OPCML: variants seen among roughly 807,000 people sequenced by gnomAD.
OPCML encodes the protein opioid binding protein/cell adhesion molecule like, also known as opioid-binding protein/cell adhesion molecule.
In OPCML, 13 loss-of-function variants were observed where a neutral mutation model predicts 37.8. That is an observed-to-expected ratio of 0.34 (90% CI 0.22 to 0.55). OPCML has a LOEUF of 0.55. Among genes scored for constraint, OPCML ranks in the 20% least tolerant of loss-of-function variants. The probability of loss-of-function intolerance (pLI) is 0.91; values close to 1 mark genes in which losing one functional copy is unlikely to be tolerated. For synonymous variants in OPCML, 176 were observed against 168.8 expected, an observed-to-expected ratio of 1.04 and a Z score of -0.33; for missense variants, 341 against 435.6, an observed-to-expected ratio of 0.78 and a Z score of 1.93.
chr11:133,518,947 G>A lies in OPCML; in HGVS notation c.61+13317C>T, dbSNP rs776044449. ...TATGTCAGGCCAGGAGCAGCCCACA[G>A]AGGTGCTTGCCCTGTGGGTGACAGT... On this transcript the variant is annotated intron_variant, in intron 1 of 7. Transcript: ENST00000524381. Among the ~76,000 whole-genome samples, 320 of 152,226 alleles carry A rather than the reference G, an allele frequency of 2.1e-3. 2 individuals carry two copies. The highest frequency in any genetic ancestry group is 1.9e-3 in the Non-Finnish European group (126 of 68,004).
intron 2 of OPCML, among the ~76,000 whole-genome samples, chr11:132,789,353 T>A: frequency 1.3e-5 from 2 of 152,128 alleles, no homozygotes; most frequent in Non-Finnish European, 2.9e-5. Flanking sequence ...CAGAAAGTTA[T>A]AACATGAAAA....
At chr11:132,460,480 G>A (rs1475368693) in intron 4 of OPCML, among the ~76,000 whole-genome samples, 2 of 152,150 alleles carry the variant, frequency 1.3e-5, no homozygotes, top group Non-Finnish European at 1.5e-5. Context: ...ATCTTACTTT[G>A]AGAACCATTG....
intron 1 of OPCML, among the ~76,000 whole-genome samples, chr11:132,968,457 T>G (rs1946263937): frequency 2.0e-5 from 3 of 152,190 alleles, no homozygotes; most frequent in Non-Finnish European, 2.9e-5. Flanking sequence ...CTCTTCCTCC[T>G]TGAAATTCTC....
intron 2 of OPCML, among the ~76,000 whole-genome samples, chr11:132,853,056 T>C (rs1941887351): frequency 6.6e-6 from 1 of 152,238 alleles, no homozygotes; most frequent in African/African-American, 2.4e-5. Context: ...TATCTGCATT[T>C]TTCATGAAAC....
At chr11:132,710,436 A>T (rs1402025339) in intron 2 of OPCML, among the ~76,000 whole-genome samples, 1 of 152,220 alleles carries the variant, frequency 6.6e-6, no homozygotes, top group African/African-American at 2.4e-5. Context: ...TATAAAGGAG[A>T]CACGATGATA....
chr11:133,530,119 T>C (rs180950919), intron 1 of OPCML, among the ~76,000 whole-genome samples: 12 of 152,304 alleles, frequency 7.9e-5, no homozygotes, highest in Non-Finnish European at 7.3e-5. Flanking sequence ...AGCTTGTCAT[T>C]GTCGTTCATC....
chr11:133,232,228 G>C lies in OPCML; in HGVS notation c.62-289218C>G, dbSNP rs530315727. On this transcript the variant is annotated intron_variant, in intron 1 of 7. Transcript: ENST00000524381. ...GTGAATTTCTAGTGTGGGCAGCTCC[G>C]TACTTGGTTCTCAAGGAAAAAAGAT... Among the ~76,000 whole-genome samples the C allele has an allele frequency of 5.9e-5, 9 of 152,132 alleles. No homozygotes were observed. The South Asian group carries it at 1.5e-3, about 25-fold the overall frequency.
chr11:132,957,880 C>T (rs1285619826), intron 1 of OPCML, among the ~76,000 whole-genome samples: 3 of 152,184 alleles, frequency 2.0e-5, no homozygotes, highest in Non-Finnish European at 4.4e-5. Flanking sequence ...AGTCTCTCTC[C>T]TTCTCCTCAG....
intron 1 of OPCML, among the ~76,000 whole-genome samples, chr11:133,286,444 T>TA (rs1942301387): frequency 7.7e-6 from 1 of 130,618 alleles, no homozygotes; most frequent in Non-Finnish European, 1.6e-5. Context: ...CACTCCAGCC[T>TA]GGCGACAGAG....
intron 1 of OPCML, among the ~76,000 whole-genome samples, chr11:133,210,526 T>C (rs1243021371): frequency 6.6e-6 from 1 of 152,206 alleles, no homozygotes; most frequent in Non-Finnish European, 1.5e-5. Context: ...CATGTATTTC[T>C]TTGACTGAAC....
At chr11:133,331,454 T>G (rs896726499) in intron 1 of OPCML, among the ~76,000 whole-genome samples, 6 of 152,184 alleles carry the variant, frequency 3.9e-5, no homozygotes, top group Admixed American at 6.5e-5. Flanking sequence ...CAGCCTTTAC[T>G]TCTAACTGGA....
At position 132,441,356 on chromosome 11, in the gene OPCML, G is replaced by GTTTC. The variant is rs2096034287; in HGVS notation, c.506-3998_506-3997insGAAA. Among the ~76,000 whole-genome samples, 5 of 151,068 alleles carry GTTTC rather than the reference G, an allele frequency of 3.3e-5. No homozygotes were observed. In the South Asian group the frequency reaches 1.1e-3, roughly 32 times the overall value. On this transcript the variant is annotated intron_variant, in intron 4 of 7. Transcript: ENST00000524381. ...CTAATTTTTTTGTATTTTTAGTAGA[G>GTTTC]ACGGGGTTTCACCGTTTTAGCCGGG...
intron 1 of OPCML, among the ~76,000 whole-genome samples, chr11:133,340,130 G>A (rs1021936307): frequency 2.0e-5 from 3 of 152,200 alleles, no homozygotes; most frequent in Non-Finnish European, 4.4e-5. Context: ...ATGGCAGTGA[G>A]AACTCTGTGG....
At chr11:132,555,928 T>C (rs1236745047) in intron 3 of OPCML, among the ~76,000 whole-genome samples, 1 of 151,910 alleles carries the variant, frequency 6.6e-6, no homozygotes, top group Non-Finnish European at 1.5e-5. Flanking sequence ...ACGTTTCTTG[T>C]TTCAATAAAA....
chr11:132,579,536 G>A (rs1490419594), intron 3 of OPCML, among the ~76,000 whole-genome samples: 1 of 152,044 alleles, frequency 6.6e-6, no homozygotes, highest in Non-Finnish European at 1.5e-5. Flanking sequence ...AAATGCCAAG[G>A]AAAACCCTTG....
chr11:133,175,143 T>A (rs1950348821), intron 1 of OPCML, among the ~76,000 whole-genome samples: 1 of 152,210 alleles, frequency 6.6e-6, no homozygotes, highest in Non-Finnish European at 1.5e-5. Context: ...AAGATTTTCT[T>A]GGTGTTTTAG....
At chr11:132,971,128 G>A (rs1021144107) in intron 1 of OPCML, among the ~76,000 whole-genome samples, 2 of 152,182 alleles carry the variant, frequency 1.3e-5, no homozygotes, top group African/African-American at 4.8e-5. Flanking sequence ...GAGAAAGAAG[G>A]CAAGCTGAAA....
intron 1 of OPCML, among the ~76,000 whole-genome samples, chr11:133,123,914 G>A (rs867972679): frequency 2.6e-5 from 4 of 152,072 alleles, no homozygotes; most frequent in Non-Finnish European, 4.4e-5. Context: ...TATACTGAGC[G>A]GTCTCTGTGC....
chr11:132,652,042 A>G (rs577545493), intron 3 of OPCML, among the ~76,000 whole-genome samples: 1 of 152,318 alleles, frequency 6.6e-6, no homozygotes, highest in African/African-American at 2.4e-5. Flanking sequence ...ACTGGCACAC[A>G]TAGATCTCTG....
Sources: gnomAD v4.1 joint callset for allele counts (sites outside exome capture counted in the v4.1 genomes callset) on GRCh38, gnomAD v4.1.1 for gene constraint, MANE v1.5 for transcripts, NCBI Gene and HGNC (gene_info 2026-07-23, HGNC 2026-07-21) for gene names.